DDX59: variants seen among roughly 807,000 people sequenced by gnomAD.
DDX59 encodes the protein DEAD-box helicase 59.
In DDX59, 30 loss-of-function variants were observed where a neutral mutation model predicts 51.9. The ratio of observed to expected loss-of-function variants is 0.58; its 90% CI spans 0.43 to 0.78. DDX59 has a LOEUF of 0.78. Ranked by LOEUF, DDX59 falls within the 30% of genes least tolerant of loss-of-function variation. DDX59 has a pLI of 0.00. For synonymous variants in DDX59, 255 were observed against 253.3 expected (o/e 1.01, Z -0.06); for missense variants, 672 against 730.8 (o/e 0.92, Z 0.93).
At chr1:200,643,999 T>C (rs1035335818), downstream of DDX59, 12 of 388,194 alleles carry the variant, frequency 3.1e-5, no homozygotes, top group Non-Finnish European at 3.9e-5. Flanking sequence ...ACAGTAGCTC[T>C]GAGGACTGTT....
Position 200,666,434 on chromosome 1 carries a change from G to C in DDX59, c.307C>G (p.Pro103Ala). The C allele has an allele frequency of 6.2e-7, 1 of 1,614,178 alleles. No homozygotes were observed. Among genetic ancestry groups the C allele is most frequent in the Non-Finnish European group, 8.5e-7 (1 of 1,180,036 alleles). The change falls in exon 2 of 8, where the codon CCA (proline) becomes GCA (alanine). Residue 103 changes from proline (P) to alanine (A), a missense_variant. Transcript: ENST00000331314. ...SFSKTQRWAE[P>A]GEPICVVCGR... ...CAGACAACACAGATGGGTTCCCCTGGTTCTGCCCAGCGCTGTGTTTTGGAA... is the reference window on the plus strand; with the variant it reads ...CAGACAACACAGATGGGTTCCCCTGCTTCTGCCCAGCGCTGTGTTTTGGAA...
At chr1:200,664,199 G>A (rs1662565052) in intron 2 of DDX59, 113 bp from the exon 3 acceptor site, 3 of 1,153,642 alleles carry the variant, frequency 2.6e-6, no homozygotes, top group Non-Finnish European at 3.6e-6. Flanking sequence ...GTTCCCAACT[G>A]GGTATGAGTC....
chr1:200,650,870 T>C (rs1165852208), intron 4 of DDX59, among the ~76,000 whole-genome samples, 194 bp from the exon 5 acceptor site: 3 of 152,200 alleles, frequency 2.0e-5, no homozygotes, highest in African/African-American at 7.2e-5. Flanking sequence ...TACAATGATA[T>C]ACAAAGATTG....
At position 200,648,578 on chromosome 1, in the gene DDX59, A is replaced by G. The variant is rs762521512; in HGVS notation, c.1468-11T>C. The G allele has an allele frequency of 4.0e-5, 64 of 1,601,158 alleles. No individual in the cohort carries two copies. The highest frequency in any genetic ancestry group is 5.4e-5 in the Non-Finnish European group (63 of 1,175,382). ...TCCTTCAAGTAATCCCTTTCCAAAA[A>G]AGCAACAAAATTTATTATTCAGAAT... On this transcript the variant is annotated splice_polypyrimidine_tract_variant and intron_variant, in intron 6 of 7. Transcript: ENST00000331314.
chr1:200,646,382 C>T (rs1198148026), intron 7 of DDX59, among the ~76,000 whole-genome samples: 1 of 152,056 alleles, frequency 6.6e-6, no homozygotes, highest in African/African-American at 2.4e-5. Flanking sequence ...ATGTTTTTGG[C>T]AAGTCTTCTA....
In DDX59 at chr1:200,650,631, T is replaced by C. The variant is rs1476224108; in HGVS notation, c.1108A>G (p.Ile370Val). Reference sequence around the variant, plus strand: ...CAATCATTAGGAATGTTTTCCAAAATGTCAAGCACTTGTTGTTGAAAACCC... The same window carrying C: ...CAATCATTAGGAATGTTTTCCAAAACGTCAAGCACTTGTTGTTGAAAACCC... ...KMGFQQQVLD[I>V]LENIPNDCQT... The change falls in exon 5 of 8, where the codon ATT (isoleucine) becomes GTT (valine). Residue 370 changes from isoleucine to valine, a missense_variant. Ile to Val is a conservative substitution (Grantham distance 29). Coordinates refer to ENST00000331314, the MANE Select transcript of DDX59 (RefSeq NM_001031725.6). 2.5e-6 allele frequency: 4 copies of C among 1,613,678 alleles called. No homozygotes were observed.
intron 4 of DDX59, among the ~76,000 whole-genome samples, chr1:200,655,495 T>C (rs1661963010): frequency 1.3e-5 from 2 of 152,178 alleles, no homozygotes; most frequent in South Asian, 4.1e-4. Context: ...CAAATCCAAA[T>C]TCCTCTGCCT....
chr1:200,664,234 C>T (rs1662568214), intron 2 of DDX59, 148 bp from the exon 3 acceptor site: 2 of 756,086 alleles, frequency 2.6e-6, no homozygotes, highest in Non-Finnish European at 4.0e-6. Flanking sequence ...TTACTGCAGA[C>T]TTTTTTCCTC....
chr1:200,643,150 T>C (rs968458455), downstream of DDX59, among the ~76,000 whole-genome samples: 1 of 151,580 alleles, frequency 6.6e-6, no homozygotes, highest in African/African-American at 2.4e-5. Flanking sequence ...AGCAACATAG[T>C]GAGACAACGC....
chr1:200,652,709 G>A (rs58514413), intron 4 of DDX59, among the ~76,000 whole-genome samples: 2,681 of 134,672 alleles, frequency 0.02, 86 homozygotes, highest in African/African-American at 0.07. Flanking sequence ...TTGCTCTGTC[G>A]CCAGGCTGGA....
rs764677071 is a variant in DDX59 at position 200,648,493 on chromosome 1, G to T, written c.1542C>A (p.Val514=). ...GCATATCAAAATTGACAACCAGCCT[G>T]ACACTGATCAAGTCTAGGCCTCGTC... ...VLGRGLDLIS[V]RLVVNFDMPS... The change falls in exon 7 of 8, where the codon GTC becomes GTA. Residue 514 remains valine, a synonymous_variant. Transcript: ENST00000331314. The T allele has an allele frequency of 6.2e-7, 1 of 1,614,132 alleles. No individual in the cohort carries two copies. The highest frequency in any genetic ancestry group is 1.7e-5 in the Admixed American group (1 of 60,016).
In DDX59 at chr1:200,649,200, C is replaced by T. The variant is rs1204800473; in HGVS notation, c.1341G>A (p.Val447=). The part of the protein sequence containing the change: ...LNDKKLFKPP[V]LVFVDCKLGA... ...CTAGTTTGCAGTCCACAAATACTAA[C>T]ACTGGAGGCTTAAAGAGTTTCTTAT... The change falls in exon 6 of 8, where the codon GTG becomes GTA. Residue 447 remains valine, a synonymous_variant. Coordinates refer to ENST00000331314, the MANE Select transcript of DDX59 (RefSeq NM_001031725.6). 1 of 1,580,160 alleles carries T rather than the reference C, an allele frequency of 6.3e-7. No individual in the cohort carries two copies. Among genetic ancestry groups the T allele is most frequent in the South Asian group, 1.2e-5 (1 of 83,542 alleles).
chr1:200,663,881 A>G, intron 3 of DDX59, 38 bp downstream of exon 3: 1 of 1,494,086 alleles, frequency 6.7e-7, no homozygotes, highest in African/African-American at 1.4e-5. Context: ...TATTGCTTAC[A>G]AAACTTTTCA....
In DDX59 at chr1:200,650,420, C is replaced by A; in HGVS notation, c.1314+5G>T. The A allele has an allele frequency of 6.2e-7, 1 of 1,609,580 alleles. No homozygotes were observed. Among genetic ancestry groups the A allele is most frequent in the Non-Finnish European group, 8.5e-7 (1 of 1,177,150 alleles). On this transcript the variant is annotated splice_donor_5th_base_variant and intron_variant, in intron 5 of 7. Transcript: ENST00000331314. The stretch of plus-strand genomic sequence containing the variant: ...TAAAACATAGTTAACTGCTTTACTA[C>A]TCACATTTAAAATTTCAAATAATTT...
intron 3 of DDX59, among the ~76,000 whole-genome samples, chr1:200,660,935 C>T (rs1012132731): frequency 3.9e-5 from 6 of 152,210 alleles, no homozygotes; most frequent in African/African-American, 1.4e-4. Flanking sequence ...TGACTGTATT[C>T]CCTAGCTCTA....
chr1:200,648,323 A>G, intron 7 of DDX59, 116 bp downstream of exon 7: 2 of 1,377,706 alleles, frequency 1.5e-6, no homozygotes, highest in Non-Finnish European at 9.9e-7. Context: ...CTGGGATTAC[A>G]GGTGTGAGCC....
downstream of DDX59, chr1:200,641,123 C>T (rs769345093): frequency 2.0e-5 from 26 of 1,278,236 alleles, no homozygotes; most frequent in African/African-American, 2.1e-4. Context: ...TTGGATGACA[C>T]GTTACCTCTT....
At position 200,644,327 on chromosome 1, in the gene DDX59, T is replaced by C; in HGVS notation, c.1787A>G (p.Gln596Arg). The change falls in exon 8 of 8, where the codon CAG (glutamine) becomes CGG (arginine). Residue 596 changes from glutamine to arginine, a missense_variant. Transcript: ENST00000331314. ...RKEQQKDKQT[Q>R]NDLVTGANLM... is the part of the protein sequence containing the mutation. Reference sequence around the variant, plus strand: ...ATTAGCTCCTGTAACCAGATCATTCTGTGTCTGTTTATCTTTCTGTTGTTC... The same window carrying C: ...ATTAGCTCCTGTAACCAGATCATTCCGTGTCTGTTTATCTTTCTGTTGTTC... The C allele has an allele frequency of 6.2e-7, 1 of 1,613,800 alleles. No individual in the cohort carries two copies. Among genetic ancestry groups the C allele is most frequent in the Non-Finnish European group, 8.5e-7 (1 of 1,179,868 alleles).
Position 200,659,065 on chromosome 1 carries a change from C to T in DDX59, c.1024G>A (p.Val342Ile), listed in dbSNP as rs1662214888. The T allele has an allele frequency of 6.2e-7, 1 of 1,613,646 alleles. No individual in the cohort carries two copies. ...ACAATCTTTACACCACAGAGTTCTA[C>T]AGAGCTCTGCTTTATTATATCCAGA... ...RLLDIIKQSS[V>I]ELCGVKIVVV... The change falls in exon 4 of 8, where the codon GTA becomes ATA. Residue 342 changes from valine (V) to isoleucine (I), a missense_variant. By Grantham distance (29) the Val-to-Ile change is conservative. Transcript: ENST00000331314.
Sources: gnomAD v4.1 joint callset for allele counts (sites outside exome capture counted in the v4.1 genomes callset) on GRCh38, gnomAD v4.1.1 for gene constraint, MANE v1.5 for transcripts, NCBI Gene and HGNC (gene_info 2026-07-23, HGNC 2026-07-21) for gene names.